The following CNTN1 variants were observed in gnomAD, a reference collection of about 807,000 sequenced individuals.
CNTN1 encodes the protein contactin 1.
Under a neutral mutation model 126.4 loss-of-function variants are expected in CNTN1, and 38 were observed. The observed-to-expected ratio is 0.30, with a 90% CI of 0.23 to 0.39. CNTN1 has a LOEUF of 0.39. CNTN1 is among the 10% of genes least tolerant of loss of function. The pLI, the probability that CNTN1 is intolerant of heterozygous loss-of-function variation, is 1.00. For missense variants in CNTN1, 1,009 were observed against 1,248.4 expected (o/e 0.81, Z 2.89); for synonymous variants, 413 against 422.6 (o/e 0.98, Z 0.28).
At chr12:40,740,156 AC>A in intron 1 of CNTN1, among the ~76,000 whole-genome samples, 1 of 151,996 alleles carries the variant, frequency 6.6e-6, no homozygotes, top group South Asian at 2.1e-4. Flanking sequence ...TTGTAATGAA[AC>A]ATGTTATAAA....
chr12:40,720,408 G>GT (rs1942167906), intron 1 of CNTN1, among the ~76,000 whole-genome samples: 2 of 97,696 alleles, frequency 2.0e-5, no homozygotes, highest in Non-Finnish European at 4.8e-5. Context: ...CATCTCAAAG[G>GT]GGTGTGTGTG....
At chr12:41,005,788 C>T (rs1948477530) in intron 17 of CNTN1, among the ~76,000 whole-genome samples, 1 of 152,050 alleles carries the variant, frequency 6.6e-6, no homozygotes, top group Non-Finnish European at 1.5e-5. Context: ...ACATTCTTTT[C>T]TAAACTGTCT....
intron 1 of CNTN1, among the ~76,000 whole-genome samples, chr12:40,777,717 G>A (rs1267365456): frequency 6.6e-6 from 1 of 151,760 alleles, no homozygotes; most frequent in African/African-American, 2.4e-5. Context: ...AACTGCATGA[G>A]CACACATGGT....
At chr12:40,784,399 A>G (rs953149199) in intron 1 of CNTN1, among the ~76,000 whole-genome samples, 12 of 152,162 alleles carry the variant, frequency 7.9e-5, no homozygotes, top group African/African-American at 2.9e-4. Flanking sequence ...ACTTATATAC[A>G]GGCAATGCAA....
chr12:40,698,483 G>A (rs370065938), intron 1 of CNTN1, among the ~76,000 whole-genome samples: 10 of 151,924 alleles, frequency 6.6e-5, no homozygotes, highest in African/African-American at 2.4e-4. Flanking sequence ...TGATCCGCCC[G>A]CCTCGGCCTC....
chr12:41,057,053 TATAA>T (rs1367116837), intron 23 of CNTN1, among the ~76,000 whole-genome samples: 1 of 124,532 alleles, frequency 8.0e-6, no homozygotes, highest in Non-Finnish European at 1.6e-5. Flanking sequence ...TTTAGATATT[TATAA>T]ATATTATAAA....
chr12:40,699,580 G>C (rs1471400533), intron 1 of CNTN1, among the ~76,000 whole-genome samples: 1 of 152,116 alleles, frequency 6.6e-6, no homozygotes. Context: ...TATAAATTTA[G>C]CTGTGTTGGA....
intron 17 of CNTN1, among the ~76,000 whole-genome samples, chr12:41,011,787 C>T (rs2120708575): frequency 6.6e-6 from 1 of 152,222 alleles, no homozygotes; most frequent in African/African-American, 2.4e-5. Flanking sequence ...CTATTATGGC[C>T]CATGCTAAAG....
At chr12:41,040,249 A>G (rs114091082) in intron 23 of CNTN1, among the ~76,000 whole-genome samples, 2,014 of 152,274 alleles carry the variant, frequency 0.013, 53 homozygotes, top group African/African-American at 0.046. Flanking sequence ...TATCATTTCT[A>G]TAATTGCTCA....
At chr12:40,813,051 C>CTTTCTTTCTTTCTT (rs1300580270) in intron 1 of CNTN1, among the ~76,000 whole-genome samples, 4 of 111,832 alleles carry the variant, frequency 3.6e-5, no homozygotes, top group Non-Finnish European at 7.4e-5. Flanking sequence ...TTCTTTCTTT[C>CTTTCTTTCTTTCTT]TTTCTTTCTT....
In CNTN1 at chr12:41,027,936, A is replaced by G; in HGVS notation, c.2790A>G (p.Ala930=). The G allele has an allele frequency of 6.2e-7, 1 of 1,611,414 alleles. No individual in the cohort carries two copies. The highest frequency in any genetic ancestry group is 1.3e-5 in the African/African-American group (1 of 74,974). ...RYIITWDHVV[A]LSNESTVTGY... ...TAATCACCTGGGATCATGTCGTTGC[A>G]CTATCAAATGAATCTACAGTGACGG... The change falls in exon 22 of 24, where the codon GCA becomes GCG. Residue 930 remains alanine, a synonymous_variant. Coordinates refer to ENST00000551295, the MANE Select transcript of CNTN1 (RefSeq NM_001843.4).
intron 23 of CNTN1, among the ~76,000 whole-genome samples, chr12:41,038,766 C>T (rs1335866120): frequency 3.3e-5 from 5 of 151,754 alleles, no homozygotes; most frequent in African/African-American, 4.8e-5. Flanking sequence ...TATAGCAATA[C>T]ATAAAGTTTT....
chr12:40,963,932 T>C (rs1286972980), intron 15 of CNTN1, among the ~76,000 whole-genome samples: 1 of 152,112 alleles, frequency 6.6e-6, no homozygotes, highest in African/African-American at 2.4e-5. Flanking sequence ...TTTGGAAACC[T>C]ATGTGCAGCT....
intron 11 of CNTN1, 93 bp downstream of exon 11, chr12:40,937,780 T>C: frequency 5.0e-6 from 4 of 802,144 alleles, no homozygotes; most frequent in South Asian, 2.7e-5. Context: ...ATACCCAGTA[T>C]TGTGTTAGGT....
At chr12:40,867,712 G>C (rs1005690633) in intron 1 of CNTN1, among the ~76,000 whole-genome samples, 1 of 152,022 alleles carries the variant, frequency 6.6e-6, no homozygotes, top group Admixed American at 6.6e-5. Context: ...AGTGAGGGAA[G>C]TCTCCTGAGA....
At chr12:40,848,728 G>A (rs1361908268) in intron 1 of CNTN1, among the ~76,000 whole-genome samples, 5 of 151,336 alleles carry the variant, frequency 3.3e-5, no homozygotes, top group African/African-American at 1.2e-4. Flanking sequence ...TGGTCTTTAG[G>A]TCTTCTCAAA....
chr12:41,069,722 ATAT>A (rs1950124492), intron 23 of CNTN1, among the ~76,000 whole-genome samples: 1 of 152,110 alleles, frequency 6.6e-6, no homozygotes, highest in Non-Finnish European at 1.5e-5. Flanking sequence ...ATTTGTGATC[ATAT>A]TATTTTAAAT....
intron 19 of CNTN1, among the ~76,000 whole-genome samples, chr12:41,017,154 C>T (rs1447850130): frequency 6.6e-6 from 1 of 152,100 alleles, no homozygotes; most frequent in Non-Finnish European, 1.5e-5. Flanking sequence ...AGGAAATCCC[C>T]ATTAAAATAA....
chr12:40,878,060 C>T (rs1370778938), intron 1 of CNTN1, among the ~76,000 whole-genome samples: 4 of 136,374 alleles, frequency 2.9e-5, no homozygotes, highest in South Asian at 2.3e-4. Flanking sequence ...TGCAATGGCA[C>T]GATCTTGGCT....
Sources: gnomAD v4.1 joint callset for allele counts (sites outside exome capture counted in the v4.1 genomes callset) on GRCh38, gnomAD v4.1.1 for gene constraint, MANE v1.5 for transcripts, NCBI Gene and HGNC (gene_info 2026-07-23, HGNC 2026-07-21) for gene names.